Variants in HSD17B4 observed in about 807,000 individuals in gnomAD.
The protein encoded by HSD17B4 is peroxisomal multifunctional enzyme type 2.
HSD17B4 carries 70 observed loss-of-function variants against 101.0 expected under a neutral mutation model. That is an observed-to-expected ratio of 0.69 (90% CI 0.57 to 0.85). HSD17B4 has a LOEUF of 0.85. HSD17B4 is among the 40% of genes least tolerant of loss of function. HSD17B4 has a pLI of 0.00. For synonymous variants in HSD17B4, 347 were observed against 297.1 expected (o/e 1.17, Z -1.73); for missense variants, 984 against 892.4 (o/e 1.10, Z -1.31).
intron 2 of HSD17B4, among the ~76,000 whole-genome samples, chr5:119,465,214 C>T (rs1269989939): frequency 6.6e-6 from 1 of 152,002 alleles, no homozygotes; most frequent in Non-Finnish European, 1.5e-5. Context: ...TTTCTAGGTA[C>T]TTTATTTTAT....
intron 16 of HSD17B4, among the ~76,000 whole-genome samples, chr5:119,513,582 C>T (rs1318582549): frequency 6.6e-6 from 1 of 152,156 alleles, no homozygotes; most frequent in Admixed American, 6.5e-5. Context: ...CGGGGTTTCA[C>T]CATGTTGGCC....
intron 17 of HSD17B4, among the ~76,000 whole-genome samples, chr5:119,522,950 C>G (rs1753244858): frequency 6.6e-6 from 1 of 152,084 alleles, no homozygotes; most frequent in South Asian, 2.1e-4. Flanking sequence ...CTTCCATGCA[C>G]TGCTTTTGCA....
intron 16 of HSD17B4, among the ~76,000 whole-genome samples, chr5:119,512,036 G>A (rs1752222333): frequency 6.6e-6 from 1 of 152,050 alleles, no homozygotes; most frequent in Non-Finnish European, 1.5e-5. Flanking sequence ...ACTCAAATAG[G>A]AAATTTGGAG....
intron 13 of HSD17B4, among the ~76,000 whole-genome samples, chr5:119,500,576 T>C (rs1751067663): frequency 6.6e-6 from 1 of 151,576 alleles, no homozygotes; most frequent in Non-Finnish European, 1.5e-5. Flanking sequence ...GAGTCTAGAG[T>C]TCAGGGAGGG....
At chr5:119,453,115 A>G (rs1488925968) in intron 1 of HSD17B4, among the ~76,000 whole-genome samples, 1 of 152,200 alleles carries the variant, frequency 6.6e-6, no homozygotes, top group African/African-American at 2.4e-5. Flanking sequence ...CTGTCGTAAG[A>G]TTTTAAGTTC....
intron 16 of HSD17B4, among the ~76,000 whole-genome samples, chr5:119,512,322 C>T (rs1393249007): frequency 6.6e-6 from 1 of 151,962 alleles, no homozygotes; most frequent in South Asian, 2.1e-4. Context: ...TGATGAAAAA[C>T]ATTATACATC....
chr5:119,483,162 T>C (rs904527835), intron 8 of HSD17B4, among the ~76,000 whole-genome samples: 2 of 152,156 alleles, frequency 1.3e-5, no homozygotes, highest in African/African-American at 4.8e-5. Flanking sequence ...TATAAAAGTG[T>C]TGGAGTCTCC....
chr5:119,476,056 A>G (rs1471703201), intron 6 of HSD17B4, among the ~76,000 whole-genome samples, 186 bp downstream of exon 6: 5 of 152,242 alleles, frequency 3.3e-5, no homozygotes, highest in African/African-American at 1.2e-4. Context: ...AAAACATTTA[A>G]TACTTTTAAA....
chr5:119,480,101 AT>A (rs1748981581), intron 8 of HSD17B4, among the ~76,000 whole-genome samples: 1 of 151,898 alleles, frequency 6.6e-6, no homozygotes, highest in Non-Finnish European at 1.5e-5. Context: ...GTTATTGAAC[AT>A]TTTTTTCCTA....
chr5:119,495,816 G>C (rs1026016390), intron 11 of HSD17B4: 26 of 159,786 alleles, frequency 1.6e-4, no homozygotes, highest in Non-Finnish European at 3.5e-4. Context: ...GATTACAGGT[G>C]TGTGCCCCCA....
intron 17 of HSD17B4, among the ~76,000 whole-genome samples, chr5:119,518,921 C>A (rs997582987): frequency 1.3e-5 from 2 of 151,960 alleles, no homozygotes; most frequent in Non-Finnish European, 2.9e-5. Context: ...GTCACTTGAG[C>A]TCAGGAGTTT....
chr5:119,477,620 A>G, intron 7 of HSD17B4, 119 bp downstream of exon 7: 1 of 785,156 alleles, frequency 1.3e-6, no homozygotes, highest in East Asian at 2.5e-5. Flanking sequence ...GAATATGTAC[A>G]ACCTTTTAAC....
At chr5:119,464,281 G>T (rs907644236) in intron 2 of HSD17B4, among the ~76,000 whole-genome samples, 2 of 151,920 alleles carry the variant, frequency 1.3e-5, no homozygotes, top group African/African-American at 4.8e-5. Context: ...GTCCTGAAGT[G>T]TTTCCCGTAT....
rs562369308 is a variant in HSD17B4 at position 119,461,913 on chromosome 5, G to A, written c.112+5545G>A. Among the ~76,000 whole-genome samples the A allele has an allele frequency of 4.6e-5, 7 of 152,026 alleles. No homozygotes were observed. The South Asian group carries it at 8.3e-4, about 18-fold the overall frequency. On this transcript the variant is annotated intron_variant, in intron 2 of 23. Transcript: ENST00000510025. ...AAACGAAAAGGATTTCCCAATATTC[G>A]TACATTCCCAATATAGCACGTATTT...
At chr5:119,471,884 G>A (rs1756407337) in intron 2 of HSD17B4, among the ~76,000 whole-genome samples, 1 of 152,066 alleles carries the variant, frequency 6.6e-6, no homozygotes, top group Non-Finnish European at 1.5e-5. Flanking sequence ...GTGTATTACT[G>A]TGGCCATCGC....
At chr5:119,525,337 A>C (rs1386112688) in intron 18 of HSD17B4, 52 bp downstream of exon 18, 1 of 1,095,244 alleles carries the variant, frequency 9.1e-7, no homozygotes, top group Non-Finnish European at 1.4e-6. Flanking sequence ...TTCGATATTT[A>C]ATTAAATAAT....
At chr5:119,457,551 T>A (rs1754794763) in intron 2 of HSD17B4, among the ~76,000 whole-genome samples, 1 of 152,246 alleles carries the variant, frequency 6.6e-6, no homozygotes, top group African/African-American at 2.4e-5. Context: ...GGATGAATTT[T>A]GACATTGTAT....
intron 14 of HSD17B4, 45 bp downstream of exon 14, chr5:119,502,137 C>G (rs1219504551): frequency 8.1e-7 from 1 of 1,240,534 alleles, no homozygotes; most frequent in Non-Finnish European, 1.2e-6. Context: ...ACTTTTATTT[C>G]CAGATTAACC....
At chr5:119,452,769 G>A in intron 1 of HSD17B4, 136 bp downstream of exon 1, 1 of 1,569,190 alleles carries the variant, frequency 6.4e-7, no homozygotes. Context: ...TATTCTTGAG[G>A]CACCGCATCT....
Sources: gnomAD v4.1 joint callset for allele counts (sites outside exome capture counted in the v4.1 genomes callset) on GRCh38, gnomAD v4.1.1 for gene constraint, MANE v1.5 for transcripts, NCBI Gene and HGNC (gene_info 2026-07-23, HGNC 2026-07-21) for gene names.